Variants in ACAA1 observed in about 807,000 individuals in gnomAD.
ACAA1 encodes the protein acetyl-CoA acyltransferase 1.
A neutral mutation model predicts 48.8 loss-of-function variants in ACAA1; 44 were observed. The ratio of observed to expected loss-of-function variants is 0.90; its 90% CI spans 0.71 to 1.16. The LOEUF (loss-of-function observed/expected upper bound fraction) is 1.16, where lower values mean the gene tolerates loss of function less well. ACAA1 is among the 50% of genes most tolerant of loss of function. The pLI, the probability that ACAA1 is intolerant of heterozygous loss-of-function variation, is 0.00. For synonymous variants in ACAA1, 233 were observed against 226.5 expected (o/e 1.03, Z -0.26); for missense variants, 512 against 562.3 (o/e 0.91, Z 0.90).
chr3:38,132,613 A>T (rs780764397), intron 3 of ACAA1: 3 of 152,226 alleles, frequency 2.0e-5, no homozygotes, highest in Non-Finnish European at 4.4e-5. Context: ...TTAGCCCTGG[A>T]AGCTAGTAGG....
At position 38,126,591 on chromosome 3, in the gene ACAA1, C is replaced by T. The variant is rs1471942469; in HGVS notation, c.736G>A (p.Glu246Lys). ...ATGGTGGTGCTGGGGCGGATACCCT[C>T]ATCCTGGGTCACAGTGATGCTCCTC... ...TKRSITVTQD[E>K]GIRPSTTMEG... The change falls in exon 8 of 12, where the codon GAG (glutamate) becomes AAG (lysine). Residue 246 changes from glutamate to lysine, a missense_variant. Physicochemically the swap from Glu to Lys is moderately conservative, Grantham distance 56. Coordinates refer to ENST00000333167, the MANE Select transcript of ACAA1 (RefSeq NM_001607.4). This position sits in a 1 kb window ranked among gnomAD's most constrained non-coding sequence, Gnocchi z 4.7. The T allele has an allele frequency of 1.2e-6, 2 of 1,614,220 alleles. No homozygotes were observed. Among genetic ancestry groups the T allele is most frequent in the South Asian group, 2.2e-5 (2 of 91,086 alleles).
chr3:38,130,637 A>C (rs191823151), intron 5 of ACAA1, among the ~76,000 whole-genome samples: 2 of 152,324 alleles, frequency 1.3e-5, no homozygotes, highest in Admixed American at 6.5e-5. Context: ...CTCTCTAAGA[A>C]ACTCATAAAA....
Position 38,126,257 on chromosome 3 carries a change from A to T in ACAA1, c.902T>A (p.Leu301His). 1 of 1,614,228 alleles carries T rather than the reference A, an allele frequency of 6.2e-7. No individual in the cohort carries two copies. The highest frequency in any genetic ancestry group is 8.5e-7 in the Non-Finnish European group (1 of 1,180,036). The change falls in exon 9 of 12, where the codon CTT becomes CAT. Residue 301 changes from leucine to histidine, a missense_variant. Leu to His is a moderately conservative substitution (Grantham distance 99). Transcript: ENST00000333167. This position sits in a 1 kb window ranked among gnomAD's most constrained non-coding sequence, Gnocchi z 4.7. ...CACTGCATAAGACCTCAGGACCCCA[A>T]GGATGGGAAGGCCCAACTCTTCTGC... ...SKAEELGLPI[L>H]GVLRSYAVVG...
chr3:38,135,633 C>T (rs1449338558), intron 2 of ACAA1, among the ~76,000 whole-genome samples: 1 of 152,128 alleles, frequency 6.6e-6, no homozygotes, highest in Non-Finnish European at 1.5e-5. Context: ...GTATTGCCGC[C>T]AGCATGTCTC....
Position 38,126,440 on chromosome 3 carries a change from G to T in ACAA1, c.817+70C>A, listed in dbSNP as rs1232188673. ...TGCAGAGGGGCCTGGTCTATTCCAG[G>T]TTCCCAGAGTACAGCACCCAGCATG... is the stretch of plus-strand genomic sequence containing the variant. On this transcript the variant is annotated intron_variant, in intron 8 of 11. Coordinates refer to ENST00000333167, the MANE Select transcript of ACAA1 (RefSeq NM_001607.4). This position sits in a 1 kb window ranked among gnomAD's most constrained non-coding sequence, Gnocchi z 4.7. The T allele has an allele frequency of 6.2e-7, 1 of 1,610,896 alleles. No individual in the cohort carries two copies. Among genetic ancestry groups the T allele is most frequent in the African/African-American group, 1.3e-5 (1 of 74,960 alleles).
chr3:38,130,030 A>G (rs1428909901), intron 5 of ACAA1, among the ~76,000 whole-genome samples: 1 of 152,168 alleles, frequency 6.6e-6, no homozygotes, highest in Admixed American at 6.5e-5. Context: ...ACAGAGCGAG[A>G]CTCTGTCTCA....
chr3:38,135,731 C>G (rs1370820080), intron 2 of ACAA1, among the ~76,000 whole-genome samples: 1 of 152,022 alleles, frequency 6.6e-6, no homozygotes, highest in African/African-American at 2.4e-5. Context: ...TTCCCAGGGA[C>G]AAGCAGGAGA....
Position 38,126,624 on chromosome 3 carries a change from C to T in ACAA1, c.703G>A (p.Gly235Ser), listed in dbSNP as rs1700688141. The T allele has an allele frequency of 6.2e-7, 1 of 1,614,156 alleles. No homozygotes were observed. Among genetic ancestry groups the T allele is most frequent in the East Asian group, 2.2e-5 (1 of 44,890 alleles). ...PVTTTVHDDK[G>S]TKRSITVTQD... ...GTCACAGTGATGCTCCTCTTGGTGC[C>T]CTTGTCATCATGGACCGTGGTGGTC... Residue 235 changes from glycine (G) to serine (S), a missense_variant, in exon 8 of 12, where the codon GGC (glycine) becomes AGC (serine). Gly to Ser is a moderately conservative substitution (Grantham distance 56). Coordinates refer to ENST00000333167, the MANE Select transcript of ACAA1 (RefSeq NM_001607.4). This position sits in a 1 kb window ranked among gnomAD's most constrained non-coding sequence, Gnocchi z 4.7.
Position 38,137,099 on chromosome 3 carries a change from C to T in ACAA1, c.-64G>A. On this transcript the variant is annotated 5_prime_UTR_variant, in exon 1 of 12. Transcript: ENST00000333167. ...AACTGACCGCGGAGTTAACAGACAG[C>T]CGTCCGCACACGCGCAGAACCACAT... 1.1e-5 allele frequency: 14 copies of T among 1,329,976 alleles called. No individual in the cohort carries two copies. Among genetic ancestry groups the T allele is most frequent in the Non-Finnish European group, 1.3e-5 (13 of 984,686 alleles). 82.4% of individuals were successfully genotyped at this position (1,329,976 alleles called of 1,614,324 possible).
At chr3:38,127,666 G>A (rs1700705201) in intron 7 of ACAA1, 120 bp downstream of exon 7, 1 of 983,530 alleles carries the variant, frequency 1.0e-6, no homozygotes. Flanking sequence ...GGTGGCACAA[G>A]GCCTGGAAAG....
At chr3:38,136,514 G>A in intron 2 of ACAA1, 78 bp downstream of exon 2, 1 of 1,521,232 alleles carries the variant, frequency 6.6e-7, no homozygotes, top group South Asian at 1.1e-5. Context: ...TGAAAATTCG[G>A]GGCGGGGAGG....
chr3:38,126,314 G>C lies in ACAA1; in HGVS notation c.845C>G (p.Ala282Gly). The C allele has an allele frequency of 6.2e-7, 1 of 1,614,012 alleles. No homozygotes were observed. Among genetic ancestry groups the C allele is most frequent in the South Asian group, 1.1e-5 (1 of 91,084 alleles). ...AGNSSQVSDG[A>G]AAILLARRSK... is the part of the protein sequence containing the mutation. Reference sequence around the variant, plus strand: ...CCTCCGGGCCAGCAGGATGGCAGCTGCCCCATCACTCACCTGGCTAGAGTT... The same window carrying C: ...CCTCCGGGCCAGCAGGATGGCAGCTCCCCCATCACTCACCTGGCTAGAGTT... Residue 282 changes from alanine to glycine, a missense_variant, in exon 9 of 12, where the codon GCA becomes GGA. Transcript: ENST00000333167. This position sits in a 1 kb window ranked among gnomAD's most constrained non-coding sequence, Gnocchi z 4.7.
intron 3 of ACAA1, 48 bp from the exon 4 acceptor site, chr3:38,132,053 G>GA: frequency 6.5e-7 from 1 of 1,545,562 alleles, no homozygotes; most frequent in Non-Finnish European, 8.9e-7. Context: ...TTCCATGCCA[G>GA]GCTCTCATGG....
At chr3:38,133,176 AAG>A (rs1465955083) in intron 3 of ACAA1, among the ~76,000 whole-genome samples, 1 of 152,194 alleles carries the variant, frequency 6.6e-6, no homozygotes, top group Non-Finnish European at 1.5e-5. Flanking sequence ...CTAGGGCAGA[AAG>A]AGGAGGTAGG....
Position 38,126,797 on chromosome 3 carries a change from T to C in ACAA1, c.627-97A>G. 1 of 1,472,136 alleles carries C rather than the reference T, an allele frequency of 6.8e-7. No individual in the cohort carries two copies. Among genetic ancestry groups the C allele is most frequent in the East Asian group, 2.3e-5 (1 of 43,040 alleles). 91.2% of individuals were successfully genotyped at this position (1,472,136 alleles called of 1,614,324 possible). On this transcript the variant is annotated intron_variant, in intron 7 of 11. Coordinates refer to ENST00000333167, the MANE Select transcript of ACAA1 (RefSeq NM_001607.4). The surrounding 1 kb of genome is among the most constrained non-coding windows in gnomAD (Gnocchi z 4.7). ...CATTTGGGTAGACACAAGCTCAGGC[T>C]GCTAAATTCAGGGACATGCTCGACT...
chr3:38,124,914 G>C (rs1700643974), intron 11 of ACAA1: 3 of 152,150 alleles, frequency 2.0e-5, no homozygotes, highest in Admixed American at 2.0e-4. Flanking sequence ...CCAACACTGA[G>C]GGCGGATCTT....
At chr3:38,125,540 CCCA>C (rs1486381090) in intron 11 of ACAA1, 22 bp downstream of exon 11, 2 of 1,520,722 alleles carry the variant, frequency 1.3e-6, no homozygotes, top group Non-Finnish European at 1.8e-6. Flanking sequence ...CCCCTATGAC[CCCA>C]CCGCCAGGAG....
At position 38,122,982 on chromosome 3, in the gene ACAA1, G is replaced by GT; in HGVS notation, c.*64dup. On this transcript the variant is annotated 3_prime_UTR_variant, in exon 12 of 12. Transcript: ENST00000333167. ...TTTCCCATGTGGTTTTGCTTTTGTG[G>GT]TGTTACTGCCTTGCTGCTAGAGCAG... 1 of 1,544,080 alleles carries GT rather than the reference G, an allele frequency of 6.5e-7. No homozygotes were observed.
At chr3:38,135,613 G>A (rs188305102) in intron 2 of ACAA1, among the ~76,000 whole-genome samples, 1 of 152,088 alleles carries the variant, frequency 6.6e-6, no homozygotes, top group African/African-American at 2.4e-5. Flanking sequence ...TCTCAGTGCA[G>A]TAAAGAGCAG....
Sources: allele counts gnomAD v4.1 joint callset (sites outside exome capture counted in the v4.1 genomes callset), GRCh38; gene constraint gnomAD v4.1.1; non-coding constraint Gnocchi (gnomAD v3.1); transcripts MANE v1.5; gene names NCBI Gene and HGNC (gene_info 2026-07-23, HGNC 2026-07-21).